RAD54L: variants seen among roughly 807,000 people sequenced by gnomAD.
RAD54L encodes the protein RAD54 like.
In RAD54L, 74 loss-of-function variants were observed where a neutral mutation model predicts 91.6. The ratio of observed to expected loss-of-function variants is 0.81; its 90% confidence interval spans 0.67 to 0.98. The LOEUF (loss-of-function observed/expected upper bound fraction) is 0.98. Ranked by LOEUF, RAD54L falls within the 50% of genes least tolerant of loss-of-function variation. The pLI, the probability that RAD54L is intolerant of heterozygous loss-of-function variation, is 0.00. For missense variants in RAD54L, 887 were observed against 945.7 expected (o/e 0.94, Z 0.81); for synonymous variants, 304 against 349.7 (o/e 0.87, Z 1.46).
chr1:46,261,195 G>GT (rs1277499745), intron 7 of RAD54L, 66 bp from the exon 8 acceptor site: 321 of 1,554,896 alleles, frequency 2.1e-4, no homozygotes, highest in Middle Eastern at 6.9e-4. Flanking sequence ...CTGTCTAATT[G>GT]TTTTTTTTGT....
intron 15 of RAD54L, 107 bp from the exon 16 acceptor site, chr1:46,274,431 A>G (rs1034937278): frequency 8.6e-6 from 12 of 1,391,134 alleles, no homozygotes; most frequent in East Asian, 2.3e-5. Flanking sequence ...GGTTTTCACA[A>G]TTGGTACTGA....
At position 46,260,109 on chromosome 1, in the gene RAD54L, C is replaced by A. The variant is rs202195032; in HGVS notation, c.407+10C>A. 6.2e-7 allele frequency: 1 copy of A among 1,614,206 alleles called. No homozygotes were observed. Among genetic ancestry groups the A allele is most frequent in the Admixed American group, 1.7e-5 (1 of 60,024 alleles). ...AGCTGAAGCTTGACAAGTATGTGCA[C>A]TGGTATTTCATAAGCAGTTTTGGTT... is the stretch of plus-strand genomic sequence containing the variant. On this transcript the variant is annotated intron_variant, in intron 5 of 17. Transcript: ENST00000371975.
At position 46,263,875 on chromosome 1, in the gene RAD54L, G is replaced by A. The variant is rs976488299; in HGVS notation, c.891+2490G>A. Among the ~76,000 whole-genome samples, 8 of 151,986 alleles carry A rather than the reference G, an allele frequency of 5.3e-5. No homozygotes were observed. The highest frequency in any genetic ancestry group is 1.9e-4 in the African/African-American group (8 of 41,360). Reference sequence around the variant, plus strand: ...TGCAGTGACGTGATCTTGGCTCACCGCAACCTCTGCCTCCCATATTTAAGT... The same window carrying A: ...TGCAGTGACGTGATCTTGGCTCACCACAACCTCTGCCTCCCATATTTAAGT... On this transcript the variant is annotated intron_variant, in intron 8 of 17. Coordinates refer to ENST00000371975, the MANE Select transcript of RAD54L (RefSeq NM_003579.4). This position sits in a 1 kb window ranked among gnomAD's most constrained non-coding sequence, Gnocchi z 4.3.
rs4506412 is a variant in RAD54L at position 46,248,009 on chromosome 1, C to T, written c.-397C>T. 6.4e-3 allele frequency: 2,271 copies of T among 353,572 alleles called. 53 individuals carry two copies. The highest frequency in any genetic ancestry group is 0.043 in the African/African-American group (1,998 of 46,824). The allele number at this position is 353,572 out of a possible 1,614,324, so 21.9% of individuals were successfully genotyped here. A position where few individuals can be genotyped will look rare whatever the true frequency, so the allele number is the denominator to read the frequency against. On this transcript the variant is annotated 5_prime_UTR_variant, in exon 1 of 18. Transcript: ENST00000371975. ...GGACTTTCACCCCAGCTTCTCTCTC[C>T]TGGCCAGTGATTACCCACCCCCAAT...
intron 3 of RAD54L, among the ~76,000 whole-genome samples, chr1:46,250,538 G>A (rs1455120018): frequency 2.0e-5 from 3 of 152,150 alleles, no homozygotes; most frequent in Non-Finnish European, 4.4e-5. Context: ...AGTCTCAGAA[G>A]GGTTAAGTAA....
At chr1:46,270,175 G>A (rs931940931) in intron 9 of RAD54L, among the ~76,000 whole-genome samples, 1 of 151,926 alleles carries the variant, frequency 6.6e-6, no homozygotes, top group African/African-American at 2.4e-5. Context: ...CGAGACCAGC[G>A]TGGCCAACAT....
At chr1:46,249,904 A>G (rs138695792) in intron 2 of RAD54L, 96 bp from the exon 3 acceptor site, 4 of 1,366,384 alleles carry the variant, frequency 2.9e-6, no homozygotes, top group African/African-American at 2.9e-5. Context: ...AATTTAGCAC[A>G]GTGCCTGGCA....
intron 5 of RAD54L, among the ~76,000 whole-genome samples, 166 bp downstream of exon 5, chr1:46,260,265 T>C (rs1557701304): frequency 1.3e-5 from 2 of 152,250 alleles, no homozygotes; most frequent in South Asian, 2.1e-4. Flanking sequence ...TGTGGTCATG[T>C]CCAGTGAGTG....
rs983312902 is a variant in RAD54L at position 46,248,215 on chromosome 1, T to A, written c.-191T>A. Reference sequence around the variant, plus strand: ...CTCGGCTTATTGGGGACGGCCACTCTCACAGTTTGGTTCCAAACACCAGTT... The same window carrying A: ...CTCGGCTTATTGGGGACGGCCACTCACACAGTTTGGTTCCAAACACCAGTT... On this transcript the variant is annotated 5_prime_UTR_variant, in exon 1 of 18. Transcript: ENST00000371975. The A allele has an allele frequency of 1.4e-6, 1 of 734,944 alleles. No individual in the cohort carries two copies. Among genetic ancestry groups the A allele is most frequent in the African/African-American group, 1.7e-5 (1 of 57,322 alleles). The allele number at this position is 734,944 out of a possible 1,614,324, so 45.5% of individuals were successfully genotyped here.
intron 3 of RAD54L, among the ~76,000 whole-genome samples, chr1:46,253,362 C>T (rs528499361): frequency 6.6e-6 from 1 of 152,230 alleles, no homozygotes; most frequent in South Asian, 2.1e-4. Context: ...GCCTATAATC[C>T]CAACACTTTG....
intron 3 of RAD54L, among the ~76,000 whole-genome samples, chr1:46,257,767 G>T (rs774759919): frequency 4.6e-5 from 7 of 152,142 alleles, no homozygotes; most frequent in Admixed American, 2.0e-4. Flanking sequence ...GGGCTGATCT[G>T]CATGGCTGTA....
In RAD54L at chr1:46,260,969, T is replaced by C; in HGVS notation, c.720T>C (p.Pro240=). ...VGKWLGGRIQ[P]LAIDGGSKDE... ...AATGGCTCGGAGGGAGGATCCAACC[T>C]CTGGCCATCGATGGAGGATCTAAGG... Residue 240 remains proline (P), a synonymous_variant, in exon 7 of 18, where the codon CCT becomes CCC. Coordinates refer to ENST00000371975, the MANE Select transcript of RAD54L (RefSeq NM_003579.4). 2 of 1,614,132 alleles carry C rather than the reference T, an allele frequency of 1.2e-6. No homozygotes were observed. Among genetic ancestry groups the C allele is most frequent in the South Asian group, 1.1e-5 (1 of 91,072 alleles).
intron 16 of RAD54L, among the ~76,000 whole-genome samples, chr1:46,275,052 T>C (rs1272467143): frequency 1.3e-5 from 2 of 152,196 alleles, no homozygotes; most frequent in East Asian, 1.9e-4. Flanking sequence ...AATTATCACC[T>C]TCAGACCATC....
chr1:46,277,308 A>C (rs1660638177), intron 16 of RAD54L, among the ~76,000 whole-genome samples: 1 of 152,180 alleles, frequency 6.6e-6, no homozygotes, highest in Non-Finnish European at 1.5e-5. Context: ...TCAAGTTTTC[A>C]ATACTGTTCT....
chr1:46,274,456 T>C, intron 15 of RAD54L, 82 bp from the exon 16 acceptor site: 6 of 1,495,700 alleles, frequency 4.0e-6, no homozygotes, highest in Non-Finnish European at 5.6e-6. Flanking sequence ...TATAGAGGCA[T>C]GAGGGAGGAG....
Position 46,258,742 on chromosome 1 carries a change from T to A in RAD54L, c.267T>A (p.Tyr89Ter), listed in dbSNP as rs767772706. The A allele has an allele frequency of 4.4e-6, 7 of 1,596,258 alleles. No individual in the cohort carries two copies. In the South Asian group the frequency reaches 7.7e-5, roughly 18 times the overall value. ...CTTTCAAAGTCCCCATTCCAAATTA[T>A]CAAGGTAAAATGGAGGTTTTTCTGT... is the stretch of plus-strand genomic sequence containing the variant. ...SKPFKVPIPN[Y>*]QGPLGSRALG... The change falls in exon 4 of 18, where the codon TAT becomes TAA. Residue 89 changes from tyrosine (Y) to a stop codon, truncating the protein, a stop_gained. Transcript: ENST00000371975. LOFTEE classifies it high-confidence loss of function.
chr1:46,250,125 C>T lies in RAD54L; in HGVS notation c.210+6C>T, dbSNP rs374602224. On this transcript the variant is annotated splice_donor_region_variant and intron_variant, in intron 3 of 17. Coordinates refer to ENST00000371975, the MANE Select transcript of RAD54L (RefSeq NM_003579.4). Reference sequence around the variant, plus strand: ...GTCTGGACAGCAGTCAGCATGTAAGCCAGAACTGCAACCTGCATGTGTATG... The same window carrying T: ...GTCTGGACAGCAGTCAGCATGTAAGTCAGAACTGCAACCTGCATGTGTATG... The T allele has an allele frequency of 3.1e-6, 5 of 1,614,116 alleles. No individual in the cohort carries two copies. Among genetic ancestry groups the T allele is most frequent in the Non-Finnish European group, 4.2e-6 (5 of 1,180,036 alleles).
At position 46,263,054 on chromosome 1, in the gene RAD54L, G is replaced by T. The variant is rs1660174257; in HGVS notation, c.891+1669G>T. Among the ~76,000 whole-genome samples the T allele has an allele frequency of 6.6e-6, 1 of 152,110 alleles. No homozygotes were observed. The highest frequency in any genetic ancestry group is 2.1e-4 in the South Asian group (1 of 4,806). On this transcript the variant is annotated intron_variant, in intron 8 of 17. Coordinates refer to ENST00000371975, the MANE Select transcript of RAD54L (RefSeq NM_003579.4). This position sits in a 1 kb window ranked among gnomAD's most constrained non-coding sequence, Gnocchi z 4.3. Reference sequence around the variant, plus strand: ...ATCGCAGTGCCTGGTATGTCATAAGGCCTTGGCAAACGTAAGCTCTTGGTG... The same window carrying T: ...ATCGCAGTGCCTGGTATGTCATAAGTCCTTGGCAAACGTAAGCTCTTGGTG...
At chr1:46,277,142 T>C (rs1660631710) in intron 16 of RAD54L, among the ~76,000 whole-genome samples, 1 of 152,174 alleles carries the variant, frequency 6.6e-6, no homozygotes, top group Non-Finnish European at 1.5e-5. Context: ...TCTCAGCTCT[T>C]ACTATACTCC....
Sources: gnomAD v4.1 joint callset for allele counts (sites outside exome capture counted in the v4.1 genomes callset) on GRCh38, gnomAD v4.1.1 for gene constraint, Gnocchi (gnomAD v3.1) non-coding constraint, MANE v1.5 for transcripts, NCBI Gene and HGNC (gene_info 2026-07-23, HGNC 2026-07-21) for gene names.